CAST: variants seen among roughly 807,000 people sequenced by gnomAD.
The protein encoded by CAST is calpastatin, also known as MIR583 host.
A neutral mutation model predicts 119.6 loss-of-function variants in CAST; 76 were observed. The observed-to-expected ratio is 0.64, with a 90% confidence interval of 0.53 to 0.77. The LOEUF is 0.77. Ranked by LOEUF, CAST falls within the 30% of genes least tolerant of loss-of-function variation. CAST has a pLI of 0.00. For missense variants in CAST, 953 were observed against 946.5 expected, an observed-to-expected ratio of 1.01 and a Z score of -0.09; for synonymous variants, 319 against 331.6, an observed-to-expected ratio of 0.96 and a Z score of 0.41.
the CAST span, among the ~76,000 whole-genome samples, chr5:96,417,062 A>G: frequency 6.6e-6 from 1 of 152,194 alleles, no homozygotes; most frequent in Admixed American, 6.5e-5. Flanking sequence ...TACCAGATAT[A>G]CCAACATAGA....
At chr5:96,243,256 C>T in the CAST span, among the ~76,000 whole-genome samples, 2 of 150,530 alleles carry the variant, frequency 1.3e-5, no homozygotes, top group African/African-American at 4.9e-5. Context: ...AACTAAATGC[C>T]TTTTTTCTCT....
At chr5:96,720,427 A>G (rs375077587) in intron 3 of CAST, among the ~76,000 whole-genome samples, 3 of 152,232 alleles carry the variant, frequency 2.0e-5, no homozygotes, top group African/African-American at 7.2e-5. Flanking sequence ...TTGTCTTTAC[A>G]GAGAGAATAA....
At chr5:96,567,103 A>T (rs931043469) in intron 1 of CAST, among the ~76,000 whole-genome samples, 1 of 152,208 alleles carries the variant, frequency 6.6e-6, no homozygotes. Context: ...AGAAAAGAAG[A>T]GAGCTCATTC....
intron 1 of CAST, among the ~76,000 whole-genome samples, chr5:96,534,749 G>A (rs370401030): frequency 8.4e-5 from 4 of 47,440 alleles, no homozygotes; most frequent in African/African-American, 2.7e-4. Flanking sequence ...GAGAAAGAAA[G>A]AAAGAAAGAA....
At chr5:96,726,355 A>C (rs1029086645) in intron 4 of CAST, among the ~76,000 whole-genome samples, 9 of 152,348 alleles carry the variant, frequency 5.9e-5, no homozygotes, top group African/African-American at 2.2e-4. Context: ...CGATCTCTGC[A>C]TACAGGACTG....
At chr5:96,519,617 T>C in the CAST span, among the ~76,000 whole-genome samples, 1 of 152,192 alleles carries the variant, frequency 6.6e-6, no homozygotes, top group African/African-American at 2.4e-5. Flanking sequence ...GTCTTACTTT[T>C]TTTCTTCAAG....
chr5:96,576,440 G>A (rs1396151531), intron 1 of CAST, among the ~76,000 whole-genome samples: 1 of 152,026 alleles, frequency 6.6e-6, no homozygotes, highest in Non-Finnish European at 1.5e-5. Context: ...CTCCTTGGGG[G>A]TTCAAGTGAT....
At chr5:96,605,685 A>G (rs1396754221) in intron 1 of CAST, among the ~76,000 whole-genome samples, 2 of 152,242 alleles carry the variant, frequency 1.3e-5, no homozygotes, top group Admixed American at 1.3e-4. Context: ...AAGTCCAAAC[A>G]AACAGATGAG....
At chr5:96,400,200 G>A in the CAST span, 1 of 1,568,100 alleles carries the variant, frequency 6.4e-7, no homozygotes, top group Non-Finnish European at 8.8e-7. Flanking sequence ...GAGGGGAAGT[G>A]ACCCAAAGTG....
At chr5:96,469,285 A>C in the CAST span, among the ~76,000 whole-genome samples, 2 of 152,086 alleles carry the variant, frequency 1.3e-5, no homozygotes, top group Non-Finnish European at 2.9e-5. Flanking sequence ...CATGTAGCCT[A>C]TACAACTCTA....
At chr5:96,119,135 A>C in the CAST span, among the ~76,000 whole-genome samples, 6 of 152,174 alleles carry the variant, frequency 3.9e-5, no homozygotes, top group African/African-American at 1.4e-4. Flanking sequence ...AGGGGAAAAA[A>C]GGATTGTGTT....
At chr5:96,420,688 G>GGCC in the CAST span, among the ~76,000 whole-genome samples, 2 of 139,560 alleles carry the variant, frequency 1.4e-5, no homozygotes, top group Admixed American at 1.5e-4. Context: ...AATAACTTTA[G>GGCC]ATCAGTATTA....
At chr5:96,265,076 A>C in the CAST span, among the ~76,000 whole-genome samples, 1 of 152,192 alleles carries the variant, frequency 6.6e-6, no homozygotes, top group Admixed American at 6.5e-5. Context: ...ATATGTATGT[A>C]TTTGGTCTAA....
intron 1 of CAST, among the ~76,000 whole-genome samples, chr5:96,553,678 C>T (rs960766256): frequency 2.6e-5 from 4 of 152,200 alleles, no homozygotes; most frequent in Admixed American, 6.5e-5. Flanking sequence ...CCAAAATCTC[C>T]TTAAGCTGAT....
At chr5:96,019,536 G>T in the CAST span, among the ~76,000 whole-genome samples, 1 of 152,072 alleles carries the variant, frequency 6.6e-6, no homozygotes, top group Admixed American at 6.5e-5. Context: ...CTTGGAGTTT[G>T]ACTATTGAGT....
At chr5:96,047,842 A>G in the CAST span, among the ~76,000 whole-genome samples, 1 of 152,190 alleles carries the variant, frequency 6.6e-6, no homozygotes, top group African/African-American at 2.4e-5. Flanking sequence ...CGCATGATGC[A>G]ATGAGGGAAG....
the CAST span, chr5:96,398,731 A>G: frequency 4.1e-6 from 3 of 725,142 alleles, no homozygotes; most frequent in Non-Finnish European, 7.2e-6. Flanking sequence ...ATCTAACACC[A>G]AGAAAAAGGA....
the CAST span, among the ~76,000 whole-genome samples, chr5:96,372,965 G>A: frequency 6.6e-6 from 1 of 152,116 alleles, no homozygotes; most frequent in African/African-American, 2.4e-5. Flanking sequence ...CTAGGGAAGG[G>A]CATTGCTAAT....
At chr5:96,344,837 T>C in the CAST span, among the ~76,000 whole-genome samples, 1 of 152,164 alleles carries the variant, frequency 6.6e-6, no homozygotes, top group African/African-American at 2.4e-5. Flanking sequence ...ATTTCAAATT[T>C]GTTTGCATTG....
Sources: gnomAD v4.1 joint callset for allele counts (sites outside exome capture counted in the v4.1 genomes callset) on GRCh38, gnomAD v4.1.1 for gene constraint, MANE v1.5 for transcripts, NCBI Gene and HGNC (gene_info 2026-07-23, HGNC 2026-07-21) for gene names.